FAM234B: variants seen among roughly 807,000 people sequenced by gnomAD.
The protein encoded by FAM234B is protein FAM234B.
Under a neutral mutation model 69.3 loss-of-function variants are expected in FAM234B, and 33 were observed. That is an observed-to-expected ratio of 0.48 (90% CI 0.36 to 0.64). FAM234B has a LOEUF of 0.64. Among genes scored for constraint, FAM234B ranks in the 30% least tolerant of loss-of-function variants. The pLI is 0.00. For missense variants in FAM234B, 697 were observed against 769.7 expected, an observed-to-expected ratio of 0.91 and a Z score of 1.12; for synonymous variants, 306 against 306.9, an observed-to-expected ratio of 1.00 and a Z score of 0.03.
At chr12:13,076,818 G>A (rs553673589) in intron 11 of FAM234B, among the ~76,000 whole-genome samples, 23 of 152,370 alleles carry the variant, frequency 1.5e-4, no homozygotes, top group Middle Eastern at 6.8e-3. Flanking sequence ...AGCCTCTGCT[G>A]CCTGCTAGTC....
At chr12:13,070,194 T>G (rs1591601142) in intron 9 of FAM234B, among the ~76,000 whole-genome samples, 1 of 114,074 alleles carries the variant, frequency 8.8e-6, no homozygotes, top group African/African-American at 3.7e-5. Flanking sequence ...TATATATATA[T>G]ATATATATAT....
In FAM234B at chr12:13,044,633, G is replaced by A. The variant is rs1864784899; in HGVS notation, c.37+193G>A. On this transcript the variant is annotated intron_variant, in intron 1 of 12. Transcript: ENST00000197268. This position sits in a 1 kb window ranked among gnomAD's most constrained non-coding sequence, Gnocchi z 5.6. ...CCAGAGGGCGAGAGGGGCGCCCAGCGGGGCAGGGGTCTCGGGCGCGGGGCG... is the reference window on the plus strand; with the variant it reads ...CCAGAGGGCGAGAGGGGCGCCCAGCAGGGCAGGGGTCTCGGGCGCGGGGCG... Among the ~76,000 whole-genome samples, 1 of 152,222 alleles carries A rather than the reference G, an allele frequency of 6.6e-6. No homozygotes were observed. The highest frequency in any genetic ancestry group is 2.4e-5 in the African/African-American group (1 of 41,470).
rs1302872413 is a variant in FAM234B, at chr12:13,067,402, G to A, written c.1142+106G>A. 1 of 1,167,272 alleles carries A rather than the reference G, an allele frequency of 8.6e-7. No homozygotes were observed. The highest frequency in any genetic ancestry group is 1.2e-6 in the Non-Finnish European group (1 of 803,144). 72.3% of individuals were successfully genotyped at this position (1,167,272 alleles called of 1,614,324 possible). A position where few individuals can be genotyped will look rare whatever the true frequency, so the allele number is the denominator to read the frequency against. On this transcript the variant is annotated intron_variant, in intron 7 of 12. Transcript: ENST00000197268. This position sits in a 1 kb window ranked among gnomAD's most constrained non-coding sequence, Gnocchi z 4.7. Reference sequence around the variant, plus strand: ...TGGTGAATATGTGGGTAGAGGTTTAGGGGAAACAGTGCTTATCTTAATTTA... The same window carrying A: ...TGGTGAATATGTGGGTAGAGGTTTAAGGGAAACAGTGCTTATCTTAATTTA...
intron 1 of FAM234B, among the ~76,000 whole-genome samples, chr12:13,049,679 A>G (rs1011337936): frequency 3.3e-5 from 5 of 151,722 alleles, no homozygotes; most frequent in African/African-American, 1.2e-4. Context: ...TATTTTTTCC[A>G]TTGTTTTCCT....
intron 1 of FAM234B, among the ~76,000 whole-genome samples, chr12:13,048,412 T>G (rs1864835150): frequency 6.6e-6 from 1 of 152,234 alleles, no homozygotes; most frequent in South Asian, 2.1e-4. Flanking sequence ...CAGTTTTTCT[T>G]GGGACTCTGT....
At chr12:13,074,556 A>G (rs1865140798) in intron 10 of FAM234B, among the ~76,000 whole-genome samples, 3 of 152,160 alleles carry the variant, frequency 2.0e-5, no homozygotes, top group South Asian at 4.1e-4. Flanking sequence ...GAGGGTGATG[A>G]TCAGACATTT....
rs1178455093 is a variant in FAM234B, at chr12:13,071,376, T to A, written c.1504T>A (p.Ser502Thr). ...CTTCCTCTTCTGGGCCGAAGGGCTG[T>A]CAGCTGCATCTCCCAATTCCGTGAG... is the stretch of plus-strand genomic sequence containing the variant. Reference protein sequence around the residue: ...SVFLFWAEGLSAASPNSDIIL... With the variant: ...SVFLFWAEGLTAASPNSDIIL... The change falls in exon 10 of 13, where the codon TCA becomes ACA. Residue 502 changes from serine (S) to threonine (T), a missense_variant. Physicochemically the swap from Ser to Thr is moderately conservative, Grantham distance 58. Coordinates refer to ENST00000197268, the MANE Select transcript of FAM234B (RefSeq NM_020853.2). 25 of 1,614,182 alleles carry A rather than the reference T, an allele frequency of 1.5e-5. No individual in the cohort carries two copies. The East Asian group carries it at 3.6e-4, about 23-fold the overall frequency.
Position 13,067,026 on chromosome 12 carries a change from C to A in FAM234B, c.1001-129C>A. On this transcript the variant is annotated intron_variant, in intron 6 of 12. Transcript: ENST00000197268. This position sits in a 1 kb window ranked among gnomAD's most constrained non-coding sequence, Gnocchi z 4.7. The stretch of plus-strand genomic sequence containing the variant: ...CACTTAATCACCTCCCCACTTGTTC[C>A]GTGTTGTCCAGTCTGGGCGGGCTCT... The A allele has an allele frequency of 9.0e-7, 1 of 1,108,638 alleles. No homozygotes were observed. Among genetic ancestry groups the A allele is most frequent in the Non-Finnish European group, 1.3e-6 (1 of 763,488 alleles). The allele number at this position is 1,108,638 out of a possible 1,614,324, so 68.7% of individuals were successfully genotyped here.
intron 1 of FAM234B, among the ~76,000 whole-genome samples, chr12:13,045,980 C>T (rs914144766): frequency 3.3e-5 from 5 of 152,092 alleles, no homozygotes; most frequent in Admixed American, 3.3e-4. Flanking sequence ...TTATTACTCC[C>T]TGGAGTATTA....
At chr12:13,060,468 G>A (rs1381530400) in intron 3 of FAM234B, among the ~76,000 whole-genome samples, 1 of 152,140 alleles carries the variant, frequency 6.6e-6, no homozygotes, top group African/African-American at 2.4e-5. Context: ...TCACCATCTG[G>A]GAAAAGACGA....
chr12:13,057,398 G>T (rs1466277342), intron 2 of FAM234B, among the ~76,000 whole-genome samples: 1 of 151,566 alleles, frequency 6.6e-6, no homozygotes, highest in Non-Finnish European at 1.5e-5. Flanking sequence ...TCCATGGTAT[G>T]AATATCTCAT....
chr12:13,050,303 A>AT (rs955918784), intron 1 of FAM234B, among the ~76,000 whole-genome samples: 9 of 151,752 alleles, frequency 5.9e-5, no homozygotes, highest in Non-Finnish European at 8.8e-5. Flanking sequence ...TTGCTTAGTA[A>AT]TTTTTTTTAT....
chr12:13,076,276 G>A (rs1453573570), intron 11 of FAM234B, 133 bp downstream of exon 11: 3 of 705,888 alleles, frequency 4.2e-6, no homozygotes, highest in South Asian at 1.7e-5. Context: ...CACTTTCCCT[G>A]GTGTCCCTGG....
intron 11 of FAM234B, among the ~76,000 whole-genome samples, chr12:13,078,024 G>A (rs1417179388): frequency 1.2e-4 from 18 of 151,076 alleles, no homozygotes; most frequent in Admixed American, 4.6e-4. Context: ...GGCCAGTGAT[G>A]GTGAGCATTT....
Position 13,044,476 on chromosome 12 carries a change from G to T in FAM234B, c.37+36G>T. 6.5e-7 allele frequency: 1 copy of T among 1,549,408 alleles called. No individual in the cohort carries two copies. The highest frequency in any genetic ancestry group is 1.2e-5 in the South Asian group (1 of 83,972). On this transcript the variant is annotated intron_variant, in intron 1 of 12. Coordinates refer to ENST00000197268, the MANE Select transcript of FAM234B (RefSeq NM_020853.2). The surrounding 1 kb of genome is among the most constrained non-coding windows in gnomAD (Gnocchi z 5.6). Reference sequence around the variant, plus strand: ...GCATGCTTGCGACCACCCAGTCCCCGCCGGTGTTGGAATAAGGGGAGGCGA... The same window carrying T: ...GCATGCTTGCGACCACCCAGTCCCCTCCGGTGTTGGAATAAGGGGAGGCGA...
chr12:13,052,267 G>A (rs1864884506), intron 1 of FAM234B, among the ~76,000 whole-genome samples: 1 of 152,094 alleles, frequency 6.6e-6, no homozygotes, highest in Non-Finnish European at 1.5e-5. Flanking sequence ...TTACATTCAG[G>A]TGTTTGCTAA....
In FAM234B at chr12:13,080,684, C is replaced by T. The variant is rs372199115; in HGVS notation, c.*54C>T. The T allele has an allele frequency of 3.3e-5, 47 of 1,429,546 alleles. No homozygotes were observed. Among genetic ancestry groups the T allele is most frequent in the Non-Finnish European group, 4.6e-5 (47 of 1,014,336 alleles). 88.6% of individuals were successfully genotyped at this position (1,429,546 alleles called of 1,614,324 possible). On this transcript the variant is annotated 3_prime_UTR_variant, in exon 13 of 13. Transcript: ENST00000197268. ...GTGAACAGAGTGGATACCCTCTCTA[C>T]TCTCCTGTCACTGTAAAATCAGTTC...
At chr12:13,075,610 C>CTTTTTTTTTT (rs5796522) in intron 10 of FAM234B, among the ~76,000 whole-genome samples, 3 of 122,888 alleles carry the variant, frequency 2.4e-5, no homozygotes, top group Admixed American at 8.5e-5. Context: ...TTTTTTTTCT[C>CTTTTTTTTTT]TTTTTTTTTT....
chr12:13,080,098 G>T, intron 12 of FAM234B, 89 bp downstream of exon 12: 1 of 1,003,404 alleles, frequency 1.0e-6, no homozygotes, highest in Non-Finnish European at 1.4e-6. Flanking sequence ...AGGCAGAATG[G>T]GGAACTTTCT....
Sources: gnomAD v4.1 joint callset for allele counts (sites outside exome capture counted in the v4.1 genomes callset) on GRCh38, gnomAD v4.1.1 for gene constraint, Gnocchi (gnomAD v3.1) non-coding constraint, MANE v1.5 for transcripts, NCBI Gene and HGNC (gene_info 2026-07-23, HGNC 2026-07-21) for gene names.